The following CADPS2 variants were observed in gnomAD, a reference collection of about 807,000 sequenced individuals.
The protein encoded by CADPS2 is calcium dependent secretion activator 2, also known as calcium-dependent secretion activator 2.
CADPS2 carries 93 observed loss-of-function variants against 172.5 expected under a neutral mutation model. That is an observed-to-expected ratio of 0.54 (90% confidence interval 0.46 to 0.64). The LOEUF (loss-of-function observed/expected upper bound fraction) is 0.64. Among genes scored for constraint, CADPS2 ranks in the 30% least tolerant of loss-of-function variants. The pLI, the probability that CADPS2 is intolerant of heterozygous loss-of-function variation, is 0.00. For synonymous variants in CADPS2, 546 were observed against 555.2 expected (o/e 0.98, Z 0.23); for missense variants, 1,420 against 1,565.9 (o/e 0.91, Z 1.57).
rs1229435597 is a variant in CADPS2, at chr7:122,738,569, A to G, written c.340-1501T>C. The stretch of plus-strand genomic sequence containing the variant: ...TTCCAGTTCTGGAATCTACAGAGGG[A>G]TGTGAAGCATCTGGAAACATACTGA... On this transcript the variant is annotated intron_variant, in intron 1 of 29. Coordinates refer to ENST00000449022, the MANE Select transcript of CADPS2 (RefSeq NM_017954.11). Among the ~76,000 whole-genome samples the G allele has an allele frequency of 2.0e-5, 3 of 152,146 alleles. No individual in the cohort carries two copies. In the East Asian group the frequency reaches 5.8e-4, roughly 29 times the overall value.
At chr7:122,850,488 CAG>C in intron 1 of CADPS2, 1 of 225,878 alleles carries the variant, frequency 4.4e-6, no homozygotes, top group Non-Finnish European at 8.8e-6. Flanking sequence ...TTCCTTGTGG[CAG>C]GGGGGCGGGG....
intron 11 of CADPS2, among the ~76,000 whole-genome samples, chr7:122,484,422 CTTT>C (rs959167065): frequency 1.3e-5 from 2 of 151,606 alleles, no homozygotes; most frequent in African/African-American, 4.8e-5. Flanking sequence ...CTCTTCAACT[CTTT>C]GTGTTAGAAC....
At chr7:122,670,498 G>A (rs1023358479) in intron 2 of CADPS2, among the ~76,000 whole-genome samples, 1 of 151,754 alleles carries the variant, frequency 6.6e-6, no homozygotes, top group South Asian at 2.1e-4. Flanking sequence ...TTGAGCCCAG[G>A]AGTTCTTTTT....
At chr7:122,464,180 A>T (rs929922056) in intron 14 of CADPS2, among the ~76,000 whole-genome samples, 1 of 152,214 alleles carries the variant, frequency 6.6e-6, no homozygotes, top group Non-Finnish European at 1.5e-5. Context: ...GCAGCATGTC[A>T]GATTGCCAGA....
intron 7 of CADPS2, among the ~76,000 whole-genome samples, chr7:122,575,921 A>T (rs2067981681): frequency 6.6e-6 from 1 of 152,202 alleles, no homozygotes; most frequent in Non-Finnish European, 1.5e-5. Context: ...CCTCAGAATG[A>T]ATAGTATACA....
At chr7:122,884,739 T>C (rs1168263282) in intron 1 of CADPS2, among the ~76,000 whole-genome samples, 4 of 152,242 alleles carry the variant, frequency 2.6e-5, no homozygotes, top group Admixed American at 2.6e-4. Flanking sequence ...TATAGGTGTG[T>C]ACTTATCCCC....
At chr7:122,688,060 A>T (rs1211171420) in intron 2 of CADPS2, among the ~76,000 whole-genome samples, 1 of 152,140 alleles carries the variant, frequency 6.6e-6, no homozygotes, top group Admixed American at 6.5e-5. Flanking sequence ...TTTCCATCTC[A>T]CTGAATGTCA....
intron 3 of CADPS2, among the ~76,000 whole-genome samples, chr7:122,656,037 C>A (rs576167040): frequency 6.6e-6 from 1 of 152,242 alleles, no homozygotes; most frequent in Admixed American, 6.5e-5. Flanking sequence ...GAAAGATGGG[C>A]AAATCCAGAA....
At chr7:122,558,278 A>G (rs2132112298) in intron 7 of CADPS2, among the ~76,000 whole-genome samples, 1 of 152,298 alleles carries the variant, frequency 6.6e-6, no homozygotes, top group Non-Finnish European at 1.5e-5. Flanking sequence ...GTTGACAGTC[A>G]TAATAATTAA....
At chr7:122,768,449 T>C (rs923907626) in intron 1 of CADPS2, among the ~76,000 whole-genome samples, 1 of 152,134 alleles carries the variant, frequency 6.6e-6, no homozygotes, top group Non-Finnish European at 1.5e-5. Flanking sequence ...GGGAGGCAAA[T>C]ATATGACTGC....
intron 28 of CADPS2, among the ~76,000 whole-genome samples, chr7:122,341,673 C>G (rs1420261410): frequency 6.6e-6 from 1 of 152,126 alleles, no homozygotes; most frequent in Non-Finnish European, 1.5e-5. Flanking sequence ...CAAAGTTTGA[C>G]TCAACAATCC....
chr7:122,651,555 G>C (rs10257593), intron 3 of CADPS2, among the ~76,000 whole-genome samples: 1,588 of 152,256 alleles, frequency 0.01, 26 homozygotes, highest in African/African-American at 0.036. Flanking sequence ...AAATATTTCT[G>C]CTTATCCCTT....
At chr7:122,717,793 G>A (rs1415831744) in intron 2 of CADPS2, among the ~76,000 whole-genome samples, 3 of 151,930 alleles carry the variant, frequency 2.0e-5, no homozygotes, top group Non-Finnish European at 4.4e-5. Flanking sequence ...CCTAGCACAA[G>A]AGCAGTATAT....
In CADPS2 at chr7:122,886,102, T is replaced by C. The variant is rs747191207; in HGVS notation, c.236A>G (p.Gln79Arg). The change falls in exon 1 of 30, where the codon CAG becomes CGG. Residue 79 changes from glutamine (Q) to arginine (R), a missense_variant. Transcript: ENST00000449022. ...GAGCTGCAGGCGGATCCTCCGCTCCTGCTCATCGTCCAGCTGCCGCTGGGG... is the reference window on the plus strand; with the variant it reads ...GAGCTGCAGGCGGATCCTCCGCTCCCGCTCATCGTCCAGCTGCCGCTGGGG... Reference protein sequence around the residue: ...DEPQRQLDDEQERRIRLQLYV... With the variant: ...DEPQRQLDDERERRIRLQLYV... The C allele has an allele frequency of 3.7e-5, 58 of 1,575,336 alleles. No individual in the cohort carries two copies. Among genetic ancestry groups the C allele is most frequent in the South Asian group, 5.8e-5 (5 of 85,826 alleles).
At chr7:122,446,511 T>C (rs981214068) in intron 15 of CADPS2, among the ~76,000 whole-genome samples, 5 of 152,194 alleles carry the variant, frequency 3.3e-5, no homozygotes, top group African/African-American at 1.2e-4. Context: ...CTGATACCCA[T>C]GAGTTGGTTT....
chr7:122,493,275 C>A (rs919521947), intron 9 of CADPS2, among the ~76,000 whole-genome samples: 1 of 152,004 alleles, frequency 6.6e-6, no homozygotes, highest in Admixed American at 6.6e-5. Context: ...ACTCTCTGTA[C>A]CTGAGGCCAA....
intron 8 of CADPS2, among the ~76,000 whole-genome samples, chr7:122,518,700 T>A (rs1266899185): frequency 6.6e-6 from 1 of 151,074 alleles, no homozygotes; most frequent in Admixed American, 6.6e-5. Flanking sequence ...CTCAAAGAAG[T>A]TTTTTTTTAA....
At chr7:122,391,243 A>G (rs2151473553) in intron 22 of CADPS2, among the ~76,000 whole-genome samples, 1 of 152,162 alleles carries the variant, frequency 6.6e-6, no homozygotes, top group South Asian at 2.1e-4. Context: ...CTTGTAAAAC[A>G]CATTTTTAAA....
At chr7:122,433,456 C>T (rs1276450102) in intron 17 of CADPS2, among the ~76,000 whole-genome samples, 5 of 145,332 alleles carry the variant, frequency 3.4e-5, no homozygotes, top group African/African-American at 7.7e-5. Context: ...TAGGCTGGAG[C>T]GCAATGGCAC....
Sources: allele counts gnomAD v4.1 joint callset (sites outside exome capture counted in the v4.1 genomes callset), GRCh38; gene constraint gnomAD v4.1.1; transcripts MANE v1.5; gene names NCBI Gene and HGNC (gene_info 2026-07-23, HGNC 2026-07-21).